KIAA1549L: variants seen among roughly 807,000 people sequenced by gnomAD.
KIAA1549L encodes the protein KIAA1549 like.
KIAA1549L carries 88 observed loss-of-function variants against 160.7 expected under a neutral mutation model. That is an observed-to-expected ratio of 0.55 (90% CI 0.46 to 0.65). KIAA1549L has a LOEUF of 0.65. Among genes scored for constraint, KIAA1549L ranks in the 30% least tolerant of loss-of-function variants. The probability of loss-of-function intolerance (pLI) is 0.00; values close to 1 mark genes in which losing one functional copy is unlikely to be tolerated. For synonymous variants in KIAA1549L, 950 were observed against 976.7 expected, an observed-to-expected ratio of 0.97 and a Z score of 0.51; for missense variants, 2,258 against 2,437.5, an observed-to-expected ratio of 0.93 and a Z score of 1.55.
At position 33,618,410 on chromosome 11, in the gene KIAA1549L, A is replaced by G. The variant is rs541802695; in HGVS notation, c.5280-123A>G. On this transcript the variant is annotated intron_variant, in intron 15 of 20. Coordinates refer to ENST00000658780, the MANE Select transcript of KIAA1549L (RefSeq NM_012194.3). ...CCCTTATATCCTGGGAATAAATGCC[A>G]TCAATTCTGAGATTTGTGAGGCAAA... 93 of 810,094 alleles carry G rather than the reference A, an allele frequency of 1.1e-4. 1 individual carries two copies. Among genetic ancestry groups the G allele is most frequent in the African/African-American group, 1.0e-3 (60 of 57,574 alleles). 50.2% of individuals were successfully genotyped at this position (810,094 alleles called of 1,614,324 possible).
Position 33,391,704 on chromosome 11 carries a change from G to A in KIAA1549L, c.238+14815G>A, listed in dbSNP as rs190222083. 3.2e-4 allele frequency among the ~76,000 whole-genome samples: 49 copies of A among 152,296 alleles called. No homozygotes were observed. In the East Asian group the frequency reaches 6.6e-3, roughly 20 times the overall value. On this transcript the variant is annotated intron_variant, in intron 1 of 20. Transcript: ENST00000658780. The stretch of plus-strand genomic sequence containing the variant: ...GCTAACCTTGGCCAGCTCTCACAAC[G>A]GGTCGTGTTGGTCACTGGGAGATGC...
intron 15 of KIAA1549L, among the ~76,000 whole-genome samples, chr11:33,614,324 A>G (rs1322858688): frequency 6.6e-6 from 1 of 151,298 alleles, no homozygotes; most frequent in East Asian, 2.0e-4. Flanking sequence ...TGCAGAGGCC[A>G]AACATGAACT....
chr11:33,425,166 C>A (rs1275046407), intron 1 of KIAA1549L, among the ~76,000 whole-genome samples: 1 of 152,142 alleles, frequency 6.6e-6, no homozygotes, highest in Non-Finnish European at 1.5e-5. Flanking sequence ...CTTTTCAGAG[C>A]CTAAGATGAG....
Position 33,606,764 on chromosome 11 carries a change from C to G in KIAA1549L, c.5003C>G (p.Pro1668Arg), listed in dbSNP as rs1480975213. 1.9e-6 allele frequency: 3 copies of G among 1,613,550 alleles called. No individual in the cohort carries two copies. Among genetic ancestry groups the G allele is most frequent in the Non-Finnish European group, 2.5e-6 (3 of 1,179,740 alleles). Residue 1668 changes from proline to arginine, a missense_variant, in exon 14 of 21, where the codon CCC becomes CGC. Around this residue, in one of 6 missense-constraint regions of KIAA1549L, gnomAD observed 1,359 missense variants for 1,546.6 expected, o/e 0.88. Coordinates refer to ENST00000658780, the MANE Select transcript of KIAA1549L (RefSeq NM_012194.3). ...QLIAIKPTALPMVPPTSDRSQ... is the reference protein window; with the variant it reads ...QLIAIKPTALRMVPPTSDRSQ... The stretch of plus-strand genomic sequence containing the variant: ...ATTGCCATAAAACCCACAGCCCTCC[C>G]CATGGTGCCCCCCACCTCGGACAGG...
chr11:33,379,291 C>T (rs1434463599), intron 1 of KIAA1549L, among the ~76,000 whole-genome samples: 1 of 152,162 alleles, frequency 6.6e-6, no homozygotes, highest in Admixed American at 6.5e-5. Flanking sequence ...TCCACCCACC[C>T]CACCCCAGCC....
chr11:33,570,543 C>T (rs1855218664), intron 9 of KIAA1549L, among the ~76,000 whole-genome samples: 1 of 152,092 alleles, frequency 6.6e-6, no homozygotes, highest in Admixed American at 6.6e-5. Context: ...ACACTTTCCC[C>T]ACCTCCTTTC....
chr11:33,542,350 C>G lies in KIAA1549L; in HGVS notation c.787C>G (p.Pro263Ala). The G allele has an allele frequency of 1.2e-6, 1 of 831,360 alleles. No homozygotes were observed. The highest frequency in any genetic ancestry group is 2.7e-5 in the East Asian group (1 of 37,490). The allele number at this position is 831,360 out of a possible 1,614,324, so 51.5% of individuals were successfully genotyped here. ...CTCACCTCATTCCATCATCTCTGAG[C>G]CAGCAGAGCAATCCCCCAAAGTGCT... ...PDSPHSIISEPAEQSPKVLLV... is the reference protein window; with the variant it reads ...PDSPHSIISEAAEQSPKVLLV... Residue 263 changes from proline to alanine, a missense_variant, in exon 2 of 21, where the codon CCA becomes GCA. Pro to Ala is a conservative substitution (Grantham distance 27, BLOSUM62 -1). Around this residue, in one of 6 missense-constraint regions of KIAA1549L, gnomAD observed 540 missense variants for 465.7 expected, o/e 1.16. Coordinates refer to ENST00000658780, the MANE Select transcript of KIAA1549L (RefSeq NM_012194.3).
chr11:33,417,466 A>T (rs894311866), intron 1 of KIAA1549L, among the ~76,000 whole-genome samples: 1 of 152,138 alleles, frequency 6.6e-6, no homozygotes, highest in Non-Finnish European at 1.5e-5. Flanking sequence ...TTCATGACTC[A>T]CGAGTGGGTT....
chr11:33,479,739 C>A (rs1852368985), intron 1 of KIAA1549L, among the ~76,000 whole-genome samples: 1 of 152,010 alleles, frequency 6.6e-6, no homozygotes, highest in Non-Finnish European at 1.5e-5. Context: ...GCGTTTTTAG[C>A]AGAATTGTTG....
chr11:33,402,118 C>T (rs781732215), intron 1 of KIAA1549L, among the ~76,000 whole-genome samples: 1 of 152,192 alleles, frequency 6.6e-6, no homozygotes, highest in Non-Finnish European at 1.5e-5. Flanking sequence ...TTCTGCACTC[C>T]AGCCCTGTTC....
At chr11:33,658,609 T>C in intron 18 of KIAA1549L, 141 bp from the exon 19 acceptor site, 1 of 770,104 alleles carries the variant, frequency 1.3e-6, no homozygotes, top group East Asian at 2.8e-5. Flanking sequence ...GTTTGTTATC[T>C]GGGAATAAAT....
intron 1 of KIAA1549L, among the ~76,000 whole-genome samples, chr11:33,437,597 G>A (rs1457900134): frequency 6.6e-6 from 1 of 152,244 alleles, no homozygotes; most frequent in Non-Finnish European, 1.5e-5. Context: ...GTGAGGATGA[G>A]AAATGTTTGT....
intron 1 of KIAA1549L, among the ~76,000 whole-genome samples, chr11:33,422,774 G>A (rs933849906): frequency 6.6e-6 from 1 of 151,752 alleles, no homozygotes; most frequent in Non-Finnish European, 1.5e-5. Flanking sequence ...TATAGTCAGT[G>A]GATGTTGCCA....
At chr11:33,526,200 G>T (rs1010945143) in intron 1 of KIAA1549L, among the ~76,000 whole-genome samples, 9 of 152,126 alleles carry the variant, frequency 5.9e-5, no homozygotes, top group Non-Finnish European at 8.8e-5. Context: ...GCCACCTCCT[G>T]TCTGGAGGCC....
chr11:33,663,107 G>A (rs192871559), intron 20 of KIAA1549L, among the ~76,000 whole-genome samples: 1 of 152,316 alleles, frequency 6.6e-6, no homozygotes, highest in Admixed American at 6.5e-5. Context: ...GAGACCAGTT[G>A]TCAGCTTGAA....
At chr11:33,436,596 A>C (rs1278730395) in intron 1 of KIAA1549L, among the ~76,000 whole-genome samples, 6 of 152,254 alleles carry the variant, frequency 3.9e-5, no homozygotes, top group Admixed American at 2.6e-4. Flanking sequence ...TGGCCCAGTC[A>C]GTTTGACACA....
At chr11:33,495,918 A>G (rs960335207) in intron 1 of KIAA1549L, among the ~76,000 whole-genome samples, 2 of 151,972 alleles carry the variant, frequency 1.3e-5, no homozygotes, top group Admixed American at 6.6e-5. Flanking sequence ...GGCTGCATAA[A>G]TGTCTTCTTT....
intron 1 of KIAA1549L, among the ~76,000 whole-genome samples, chr11:33,433,302 T>A (rs1307314421): frequency 1.3e-5 from 2 of 152,112 alleles, no homozygotes; most frequent in African/African-American, 2.4e-5. Flanking sequence ...CAGACACGTA[T>A]CAAAAGAAGA....
chr11:33,431,958 C>T (rs1851255283), intron 1 of KIAA1549L, among the ~76,000 whole-genome samples: 1 of 152,246 alleles, frequency 6.6e-6, no homozygotes, highest in Non-Finnish European at 1.5e-5. Flanking sequence ...CTGGGGGACC[C>T]AGTACGCCCT....
Sources: gnomAD v4.1 joint callset for allele counts (sites outside exome capture counted in the v4.1 genomes callset) on GRCh38, gnomAD v4.1.1 for gene constraint, gnomAD v4.1.1 regional missense constraint, MANE v1.5 for transcripts, NCBI Gene and HGNC (gene_info 2026-07-23, HGNC 2026-07-21) for gene names.